Variants in CSPP1 observed in about 807,000 individuals in gnomAD.
The protein encoded by CSPP1 is centrosome and spindle pole associated protein 1.
CSPP1 carries 126 observed loss-of-function variants against 164.4 expected under a neutral mutation model. That is an observed-to-expected ratio of 0.77 (90% confidence interval 0.66 to 0.89). The LOEUF (loss-of-function observed/expected upper bound fraction) is 0.89, where lower values mean the gene tolerates loss of function less well. Among genes scored for constraint, CSPP1 ranks in the 40% least tolerant of loss-of-function variants. The pLI, the probability that CSPP1 is intolerant of heterozygous loss-of-function variation, is 0.00. For missense variants in CSPP1, 1,395 were observed against 1,449.8 expected (o/e 0.96, Z 0.61); for synonymous variants, 472 against 476.7 (o/e 0.99, Z 0.13).
intron 15 of CSPP1, among the ~76,000 whole-genome samples, chr8:67,120,406 T>C (rs1818744851): frequency 6.6e-6 from 1 of 152,200 alleles, no homozygotes; most frequent in Admixed American, 6.5e-5. Flanking sequence ...AAAAAAGTCA[T>C]TGTGATTTTG....
rs1822606022 is a variant in CSPP1 at position 67,137,582 on chromosome 8, G to A, written c.1954G>A (p.Asp652Asn). The change falls in exon 17 of 31, where the codon GAT (aspartate) becomes AAT (asparagine). Residue 652 changes from aspartate (D) to asparagine (N), a missense_variant. Asp to Asn is a conservative substitution (Grantham distance 23, BLOSUM62 1). Coordinates refer to ENST00000678616, the MANE Select transcript of CSPP1 (RefSeq NM_001382391.1). ...AGGTGGAGGTGGTGCTCCTCTCAGG[G>A]ATGCAAAAGGAAATCTGATAAGTAC... ...GKGGGGAPLR[D>N]AKGNLITDLN... The A allele has an allele frequency of 1.9e-6, 3 of 1,554,598 alleles. No individual in the cohort carries two copies. The highest frequency in any genetic ancestry group is 1.4e-5 in the African/African-American group (1 of 71,940).
chr8:67,103,970 A>G (rs141144503), intron 8 of CSPP1, among the ~76,000 whole-genome samples: 7 of 152,132 alleles, frequency 4.6e-5, no homozygotes, highest in East Asian at 1.9e-4. Context: ...TAGTGCTCAT[A>G]TATTTCTGTC....
At chr8:67,103,860 A>AG (rs1554575274) in intron 8 of CSPP1, among the ~76,000 whole-genome samples, 3 of 151,706 alleles carry the variant, frequency 2.0e-5, no homozygotes, top group Non-Finnish European at 4.4e-5. Flanking sequence ...AAAAAAAAAA[A>AG]AAATTGGAAA....
chr8:67,177,851 T>C (rs1563763443), intron 27 of CSPP1, 125 bp downstream of exon 27: 2 of 750,244 alleles, frequency 2.7e-6, no homozygotes, highest in Admixed American at 1.9e-5. Flanking sequence ...GTAAGTCTTA[T>C]CAGTAAAGTG....
intron 17 of CSPP1, among the ~76,000 whole-genome samples, chr8:67,141,475 T>C (rs1377316919): frequency 6.6e-6 from 1 of 152,238 alleles, no homozygotes; most frequent in Non-Finnish European, 1.5e-5. Flanking sequence ...AGTAAACTCA[T>C]GACTTAAAGA....
At chr8:67,102,388 G>A (rs1300605441) in intron 7 of CSPP1, among the ~76,000 whole-genome samples, 2 of 152,090 alleles carry the variant, frequency 1.3e-5, no homozygotes, top group Non-Finnish European at 2.9e-5. Flanking sequence ...TTAGGAGATC[G>A]AGACTATCCT....
intron 3 of CSPP1, among the ~76,000 whole-genome samples, chr8:67,078,024 A>G (rs895863232): frequency 6.6e-6 from 1 of 152,212 alleles, no homozygotes. Flanking sequence ...TTTCTGTGAA[A>G]TAAGTTTGAT....
At chr8:67,123,889 C>T (rs1266830354) in intron 15 of CSPP1, among the ~76,000 whole-genome samples, 4 of 151,284 alleles carry the variant, frequency 2.6e-5, no homozygotes, top group African/African-American at 4.9e-5. Flanking sequence ...CGGGCATGAG[C>T]CACCGCGGCC....
At chr8:67,109,108 G>T (rs139783751) in intron 9 of CSPP1, among the ~76,000 whole-genome samples, 46 of 152,290 alleles carry the variant, frequency 3.0e-4, no homozygotes, top group Middle Eastern at 3.4e-3. Context: ...TTTGTTAATG[G>T]TCTCAAAAGG....
chr8:67,169,469 G>A (rs571121080), intron 24 of CSPP1, among the ~76,000 whole-genome samples: 9 of 151,910 alleles, frequency 5.9e-5, no homozygotes, highest in South Asian at 2.1e-4. Flanking sequence ...TTTTTGAGAC[G>A]GAGTCTCGCT....
rs932817255 is a variant in CSPP1 at position 67,161,832 on chromosome 8, A to G, written c.2560A>G (p.Ile854Val). The stretch of plus-strand genomic sequence containing the variant: ...TCAGCACATGAGACAGCCTTCTCCT[A>G]TAGTTCCTGCTCTTCAGAACAAAAT... Reference protein sequence around the residue: ...ETKHMRQPSPIVPALQNKIAS... With the variant: ...ETKHMRQPSPVVPALQNKIAS... Residue 854 changes from isoleucine to valine, a missense_variant, in exon 22 of 31, where the codon ATA becomes GTA. By Grantham distance (29) the Ile-to-Val change is conservative. Coordinates refer to ENST00000678616, the MANE Select transcript of CSPP1 (RefSeq NM_001382391.1). The G allele has an allele frequency of 1.2e-6, 2 of 1,613,138 alleles. No individual in the cohort carries two copies. The highest frequency in any genetic ancestry group is 1.7e-4 in the Middle Eastern group (1 of 6,058).
At chr8:67,119,563 C>CT (rs920990549) in intron 15 of CSPP1, among the ~76,000 whole-genome samples, 4 of 151,706 alleles carry the variant, frequency 2.6e-5, no homozygotes, top group South Asian at 2.1e-4. Flanking sequence ...TTTTCTTTTT[C>CT]TTTTTTTTAT....
chr8:67,127,458 CGAG>C (rs1406073091), intron 15 of CSPP1, among the ~76,000 whole-genome samples: 1 of 152,112 alleles, frequency 6.6e-6, no homozygotes, highest in African/African-American at 2.4e-5. Flanking sequence ...AATCTCATCA[CGAG>C]GACTGTACCC....
At chr8:67,181,041 G>T (rs200067368) in intron 28 of CSPP1, among the ~76,000 whole-genome samples, 3,241 of 147,396 alleles carry the variant, frequency 0.022, 50 homozygotes, top group Admixed American at 0.043. Flanking sequence ...TTTTTTTTTT[G>T]TTGTTGCTGT....
At chr8:67,131,889 T>C in intron 15 of CSPP1, 62 bp from the exon 16 acceptor site, 4 of 1,418,088 alleles carry the variant, frequency 2.8e-6, no homozygotes. Flanking sequence ...CAAAAAACTG[T>C]TGTATTTTCT....
intron 19 of CSPP1, among the ~76,000 whole-genome samples, chr8:67,156,990 A>G (rs1443143874): frequency 6.6e-6 from 1 of 152,208 alleles, no homozygotes; most frequent in Non-Finnish European, 1.5e-5. Flanking sequence ...TGGATCCATT[A>G]GGTGTATGAT....
chr8:67,180,000 G>T, intron 28 of CSPP1, 74 bp downstream of exon 28: 1 of 779,312 alleles, frequency 1.3e-6, no homozygotes, highest in East Asian at 2.6e-5. Flanking sequence ...AACCAGTACT[G>T]TATTCCTTGT....
At chr8:67,112,756 C>T (rs1473550300) in intron 10 of CSPP1, among the ~76,000 whole-genome samples, 1 of 152,168 alleles carries the variant, frequency 6.6e-6, no homozygotes, top group Non-Finnish European at 1.5e-5. Flanking sequence ...GTAATATTAA[C>T]TGTCAAAAAA....
At chr8:67,093,521 G>T (rs1024870733) in intron 5 of CSPP1, 22 bp from the exon 6 acceptor site, 2 of 1,463,710 alleles carry the variant, frequency 1.4e-6, no homozygotes. Context: ...TTTTAACATT[G>T]CCTTTTGATT....
Sources: gnomAD v4.1 joint callset for allele counts (sites outside exome capture counted in the v4.1 genomes callset) on GRCh38, gnomAD v4.1.1 for gene constraint, MANE v1.5 for transcripts, NCBI Gene and HGNC (gene_info 2026-07-23, HGNC 2026-07-21) for gene names.